Variants in MAPDA observed in about 807,000 individuals in gnomAD.
MAPDA encodes the protein N6,N6-dimethyl-AMP deaminase.
At chr15:43,351,753 T>A in the MAPDA span, 1 of 1,533,314 alleles carries the variant, frequency 6.5e-7, no homozygotes, top group South Asian at 1.2e-5. Context: ...GTTGGCAGAC[T>A]GATGATAAGG....
At chr15:43,351,753 T>C in the MAPDA span, 9 of 1,533,314 alleles carry the variant, frequency 5.9e-6, no homozygotes, top group Admixed American at 2.1e-5. Context: ...GTTGGCAGAC[T>C]GATGATAAGG....
the MAPDA span, chr15:43,354,263 G>A: frequency 6.6e-6 from 1 of 152,200 alleles, no homozygotes; most frequent in Admixed American, 6.5e-5. Context: ...TTAAGGAACA[G>A]GGGAGAGGGA....
the MAPDA span, chr15:43,351,072 C>T: frequency 6.5e-7 from 1 of 1,534,440 alleles, no homozygotes; most frequent in East Asian, 2.5e-5. Flanking sequence ...TATTTTGCTC[C>T]TTTTTGCTCC....
At chr15:43,340,157 A>AT in the MAPDA span, 2 of 958,490 alleles carry the variant, frequency 2.1e-6, no homozygotes. Context: ...TTCCAACATT[A>AT]CTTGCAAATC....
the MAPDA span, chr15:43,351,244 T>G: frequency 1.9e-6 from 1 of 527,464 alleles, no homozygotes; most frequent in Non-Finnish European, 3.4e-6. Flanking sequence ...GAGAATCACT[T>G]GAACCCAGGA....
At chr15:43,340,284 AAG>A in the MAPDA span, 1 of 1,614,156 alleles carries the variant, frequency 6.2e-7, no homozygotes, top group Non-Finnish European at 8.5e-7. Context: ...GATGTCATAA[AAG>A]AATTTGCAGA....
the MAPDA span, chr15:43,351,931 G>A: frequency 5.8e-6 from 9 of 1,550,676 alleles, no homozygotes; most frequent in Non-Finnish European, 7.0e-6. Context: ...GAAGCCCAGA[G>A]TGTTACATAT....
At chr15:43,335,691 C>G in the MAPDA span, 4 of 1,604,558 alleles carry the variant, frequency 2.5e-6, no homozygotes, top group Admixed American at 7.0e-5. Flanking sequence ...GGTTGTATCT[C>G]TTAGGAACTT....
chr15:43,350,432 T>G, the MAPDA span, among the ~76,000 whole-genome samples: 1 of 151,718 alleles, frequency 6.6e-6, no homozygotes, highest in Non-Finnish European at 1.5e-5. Context: ...CAGAAGGAGG[T>G]GAATGGATGA....
the MAPDA span, among the ~76,000 whole-genome samples, chr15:43,344,946 C>T: frequency 2.1e-4 from 32 of 151,972 alleles, no homozygotes; most frequent in Non-Finnish European, 4.1e-4. Context: ...TTTTGTAACC[C>T]CCTAATGAAA....
the MAPDA span, chr15:43,345,972 G>C: frequency 2.5e-6 from 4 of 1,613,968 alleles, no homozygotes; most frequent in Non-Finnish European, 3.4e-6. Flanking sequence ...CCTCAGTGGA[G>C]ACCCTACTGT....
chr15:43,345,977 T>C, the MAPDA span: 12 of 1,614,006 alleles, frequency 7.4e-6, no homozygotes, highest in Admixed American at 2.0e-4. Context: ...GTGGAGACCC[T>C]ACTGTAAGTT....
chr15:43,334,842 A>G, the MAPDA span: 1 of 357,342 alleles, frequency 2.8e-6, no homozygotes, highest in South Asian at 3.2e-5. Context: ...CCTTAGACAC[A>G]CTTAAGTTAG....
At chr15:43,347,398 G>T in the MAPDA span, among the ~76,000 whole-genome samples, 1 of 152,042 alleles carries the variant, frequency 6.6e-6, no homozygotes, top group Non-Finnish European at 1.5e-5. Context: ...CTTGTCATTG[G>T]CAAGCTGACT....
At chr15:43,351,033 G>A in the MAPDA span, 4 of 1,551,410 alleles carry the variant, frequency 2.6e-6, no homozygotes, top group East Asian at 9.8e-5. Context: ...CCATCCTTCT[G>A]TGATCTGTGT....
At chr15:43,349,143 C>T in the MAPDA span, 7 of 1,557,764 alleles carry the variant, frequency 4.5e-6, no homozygotes, top group South Asian at 2.4e-5. Flanking sequence ...TCTAAAAGTA[C>T]GAATGTCATC....
At chr15:43,347,068 G>A in the MAPDA span, 1 of 1,613,768 alleles carries the variant, frequency 6.2e-7, no homozygotes, top group Non-Finnish European at 8.5e-7. Context: ...AAGAAAGCAG[G>A]TCTGAAGTTA....
chr15:43,341,875 G>A, the MAPDA span, among the ~76,000 whole-genome samples: 2 of 152,124 alleles, frequency 1.3e-5, no homozygotes, highest in East Asian at 3.9e-4. Flanking sequence ...AGTCTTGCTC[G>A]TCACCCAGAC....
the MAPDA span, among the ~76,000 whole-genome samples, chr15:43,350,114 G>A: frequency 6.6e-5 from 10 of 152,092 alleles, no homozygotes; most frequent in African/African-American, 2.4e-4. Context: ...TGTCACCCAG[G>A]CTGGAGTGCA....
Sources: gnomAD v4.1 joint callset for allele counts (sites outside exome capture counted in the v4.1 genomes callset) on GRCh38, gnomAD v4.1.1 for gene constraint, MANE v1.5 for transcripts, NCBI Gene and HGNC (gene_info 2026-07-23, HGNC 2026-07-21) for gene names.